CDH13: variants seen among roughly 807,000 people sequenced by gnomAD.
CDH13 encodes the protein cadherin-13.
In CDH13, 24 loss-of-function variants were observed where a neutral mutation model predicts 63.8. The ratio of observed to expected loss-of-function variants is 0.38; its 90% CI spans 0.27 to 0.53. The LOEUF (loss-of-function observed/expected upper bound fraction) is 0.53. CDH13 is among the 20% of genes least tolerant of loss of function. CDH13 has a pLI of 0.85. For missense variants in CDH13, 1,049 were observed against 903.1 expected (o/e 1.16, Z -2.07); for synonymous variants, 503 against 355.3 (o/e 1.42, Z -4.67).
At chr16:83,502,181 T>C (rs1327567082) in intron 7 of CDH13, among the ~76,000 whole-genome samples, 1 of 152,144 alleles carries the variant, frequency 6.6e-6, no homozygotes, top group East Asian at 1.9e-4. Flanking sequence ...AAATGGGACT[T>C]TGTAGAAGTG....
chr16:82,997,379 G>A (rs1256818672), intron 2 of CDH13, among the ~76,000 whole-genome samples: 1 of 152,122 alleles, frequency 6.6e-6, no homozygotes, highest in Non-Finnish European at 1.5e-5. Flanking sequence ...TGAGGTGAAT[G>A]AGGTACTCTC....
intron 6 of CDH13, among the ~76,000 whole-genome samples, chr16:83,403,458 C>G (rs1018486048): frequency 6.6e-6 from 1 of 152,032 alleles, no homozygotes; most frequent in Non-Finnish European, 1.5e-5. Flanking sequence ...CCCATCTCTA[C>G]TAAAAACACA....
At position 82,732,858 on chromosome 16, in the gene CDH13, C is replaced by T. The variant is rs537407063; in HGVS notation, c.45+105721C>T. On this transcript the variant is annotated intron_variant, in intron 1 of 13. Transcript: ENST00000567109. Reference sequence around the variant, plus strand: ...GACATCTGGGGATGAGTGAGGGTTCCGGATACCCATTACAGAGGAAGAGTC... The same window carrying T: ...GACATCTGGGGATGAGTGAGGGTTCTGGATACCCATTACAGAGGAAGAGTC... 1.1e-4 allele frequency among the ~76,000 whole-genome samples: 17 copies of T among 152,176 alleles called. No homozygotes were observed. The East Asian group carries it at 1.2e-3, about 10-fold the overall frequency.
At chr16:83,165,807 C>G (rs1321538040) in intron 4 of CDH13, among the ~76,000 whole-genome samples, 1 of 152,036 alleles carries the variant, frequency 6.6e-6, no homozygotes, top group Non-Finnish European at 1.5e-5. Context: ...CAAATGGAGA[C>G]TCTAGGTCAC....
chr16:82,905,483 A>G (rs2041613658), intron 2 of CDH13, among the ~76,000 whole-genome samples: 1 of 151,082 alleles, frequency 6.6e-6, no homozygotes. Flanking sequence ...TAATTTTTTC[A>G]GCAAATTAAA....
intron 7 of CDH13, among the ~76,000 whole-genome samples, chr16:83,570,682 A>T (rs936854193): frequency 1.4e-4 from 20 of 144,282 alleles, no homozygotes; most frequent in South Asian, 4.2e-4. Flanking sequence ...TATATATATA[A>T]AAAAAAATTT....
chr16:83,550,062 G>A (rs1428961364), intron 7 of CDH13, among the ~76,000 whole-genome samples: 2 of 152,236 alleles, frequency 1.3e-5, no homozygotes. Flanking sequence ...GGATGCTCTT[G>A]CCTTCTAGTG....
At chr16:83,586,977 C>T (rs2150730592) in intron 7 of CDH13, among the ~76,000 whole-genome samples, 1 of 152,184 alleles carries the variant, frequency 6.6e-6, no homozygotes, top group East Asian at 1.9e-4. Context: ...AAATTGCTTT[C>T]CTGTCCATGG....
intron 10 of CDH13, among the ~76,000 whole-genome samples, chr16:83,708,287 G>A (rs145883571): frequency 6.6e-6 from 1 of 152,238 alleles, no homozygotes; most frequent in African/African-American, 2.4e-5. Context: ...TCAACCAGAC[G>A]TGTGCTTCCA....
At chr16:83,521,508 T>G (rs4074375) in intron 7 of CDH13, among the ~76,000 whole-genome samples, 21,167 of 152,204 alleles carry the variant, frequency 0.14, 2,347 homozygotes, top group African/African-American at 0.31. Flanking sequence ...TAAAATGCAG[T>G]TTAAAGACAG....
intron 2 of CDH13, among the ~76,000 whole-genome samples, chr16:82,950,867 G>T (rs1422572747): frequency 6.7e-6 from 1 of 150,150 alleles, no homozygotes; most frequent in African/African-American, 2.5e-5. Context: ...AGCAGTGAGA[G>T]AGTTGTATGC....
chr16:82,704,560 G>A lies in CDH13; in HGVS notation c.45+77423G>A, dbSNP rs545799713. Reference sequence around the variant, plus strand: ...TCAATAACCACAGTGCCTTGCTATTGGTGCTGTCCAAGGTGGGTGCTGTGA... The same window carrying A: ...TCAATAACCACAGTGCCTTGCTATTAGTGCTGTCCAAGGTGGGTGCTGTGA... On this transcript the variant is annotated intron_variant, in intron 1 of 13. Transcript: ENST00000567109. Among the ~76,000 whole-genome samples the A allele has an allele frequency of 2.6e-5, 4 of 152,176 alleles. No individual in the cohort carries two copies. The East Asian group carries it at 7.7e-4, about 29-fold the overall frequency.
intron 8 of CDH13, among the ~76,000 whole-genome samples, chr16:83,606,763 G>A (rs1908376648): frequency 6.6e-6 from 1 of 150,824 alleles, no homozygotes; most frequent in Admixed American, 6.6e-5. Context: ...GACAGACCCA[G>A]GCCAGTTTGG....
chr16:83,519,467 C>T (rs1349461624), intron 7 of CDH13, among the ~76,000 whole-genome samples: 1 of 152,174 alleles, frequency 6.6e-6, no homozygotes, highest in East Asian at 1.9e-4. Flanking sequence ...TTTCATATCG[C>T]ACTTCTACAT....
rs34269880 is a variant in CDH13 at position 83,765,565 on chromosome 16, A to AAGAGAG, written c.1682-14387_1682-14382dup. ...ATATATATATATATACACACACACAAAGAGAGAGAGAGAGAGAGAGATTTC... is the reference window on the plus strand; with the variant it reads ...ATATATATATATATACACACACACAAAGAGAGAGAGAGAGAGAGAGAGAGAGATTTC... On this transcript the variant is annotated intron_variant, in intron 11 of 13. Coordinates refer to ENST00000567109, the MANE Select transcript of CDH13 (RefSeq NM_001257.5). 3.4e-5 allele frequency among the ~76,000 whole-genome samples: 5 copies of AAGAGAG among 149,186 alleles called. No homozygotes were observed. The East Asian group carries it at 5.9e-4, about 18-fold the overall frequency.
At chr16:83,408,008 C>T (rs138008394) in intron 6 of CDH13, among the ~76,000 whole-genome samples, 92 of 152,274 alleles carry the variant, frequency 6.0e-4, no homozygotes, top group African/African-American at 2.0e-3. Context: ...GGTGTCACCA[C>T]CCTGCTAGCA....
At chr16:83,146,239 C>A (rs6565139) in intron 4 of CDH13, among the ~76,000 whole-genome samples, 49,011 of 150,142 alleles carry the variant, frequency 0.33, 9,479 homozygotes, top group African/African-American at 0.55. Context: ...GGAAGGAAGG[C>A]AGGAAGAAAG....
Position 83,244,738 on chromosome 16 carries a change from G to A in CDH13, c.636+27241G>A, listed in dbSNP as rs540582581. Among the ~76,000 whole-genome samples, 24 of 152,226 alleles carry A rather than the reference G, an allele frequency of 1.6e-4. No individual in the cohort carries two copies. In the South Asian group the frequency reaches 2.1e-3, roughly 13 times the overall value. ...ATAGGCAATGACCAACAGAAACCAG[G>A]CAACAGCTTTCAAGCGGAGTCACAC... On this transcript the variant is annotated intron_variant, in intron 5 of 13. Transcript: ENST00000567109.
intron 8 of CDH13, among the ~76,000 whole-genome samples, chr16:83,624,106 C>G (rs1479553907): frequency 6.6e-6 from 1 of 152,150 alleles, no homozygotes; most frequent in Admixed American, 6.5e-5. Context: ...GTCTGCAGCT[C>G]CAGCTGTCAG....
Sources: gnomAD v4.1 joint callset for allele counts (sites outside exome capture counted in the v4.1 genomes callset) on GRCh38, gnomAD v4.1.1 for gene constraint, MANE v1.5 for transcripts, NCBI Gene and HGNC (gene_info 2026-07-23, HGNC 2026-07-21) for gene names.